NALF1: variants seen among roughly 807,000 people sequenced by gnomAD.
NALF1 encodes the protein family with sequence similarity 155 member A.
A neutral mutation model predicts 48.4 loss-of-function variants in NALF1; 3 were observed. That is an observed-to-expected ratio of 0.06 (90% CI 0.03 to 0.16). NALF1 has a LOEUF of 0.16. NALF1 is among the 10% of genes least tolerant of loss of function. The pLI, the probability that NALF1 is intolerant of heterozygous loss-of-function variation, is 1.00. For synonymous variants in NALF1, 262 were observed against 245.7 expected (o/e 1.07, Z -0.62); for missense variants, 526 against 571.5 (o/e 0.92, Z 0.81).
At chr13:107,639,661 G>A (rs1318786453) in intron 1 of NALF1, among the ~76,000 whole-genome samples, 1 of 151,470 alleles carries the variant, frequency 6.6e-6, no homozygotes, top group Non-Finnish European at 1.5e-5. Context: ...CAGGACACAG[G>A]TTTGGGGTGT....
At chr13:107,759,293 C>G (rs554041591) in intron 1 of NALF1, among the ~76,000 whole-genome samples, 2 of 152,198 alleles carry the variant, frequency 1.3e-5, no homozygotes, top group African/African-American at 4.8e-5. Flanking sequence ...ACTGGATCCT[C>G]TGCCTCCCGG....
At chr13:107,231,058 C>CAAAAAAAAAAAAAAAAAAAAAGAA (rs1880212602) in intron 1 of NALF1, among the ~76,000 whole-genome samples, 1 of 83,588 alleles carries the variant, frequency 1.2e-5, no homozygotes, top group African/African-American at 4.3e-5. Flanking sequence ...AAGACCCGGC[C>CAAAAAAAAAAAAAAAAAAAAAGAA]AAAAAAAAAA....
At chr13:107,199,995 A>G (rs1261351273) in intron 2 of NALF1, among the ~76,000 whole-genome samples, 1 of 151,898 alleles carries the variant, frequency 6.6e-6, no homozygotes, top group Non-Finnish European at 1.5e-5. Context: ...TCACTAATGA[A>G]CTCATCCAAT....
intron 1 of NALF1, among the ~76,000 whole-genome samples, chr13:107,660,262 AC>A (rs2138476087): frequency 6.7e-6 from 1 of 148,274 alleles, no homozygotes; most frequent in Admixed American, 6.8e-5. Context: ...AGATGGTGAA[AC>A]CCCGTCTCTA....
intron 1 of NALF1, among the ~76,000 whole-genome samples, chr13:107,812,311 T>G (rs998241894): frequency 6.6e-6 from 1 of 152,246 alleles, no homozygotes; most frequent in South Asian, 2.1e-4. Context: ...ATGAATTAAA[T>G]GTTTTTATTA....
At chr13:107,783,256 G>A (rs1292094299) in intron 1 of NALF1, among the ~76,000 whole-genome samples, 2 of 140,838 alleles carry the variant, frequency 1.4e-5, no homozygotes, top group African/African-American at 2.7e-5. Context: ...TCAGCCCCCC[G>A]CCCGGCCAGT....
At chr13:107,182,937 A>G (rs748646945) in intron 2 of NALF1, among the ~76,000 whole-genome samples, 26 of 152,338 alleles carry the variant, frequency 1.7e-4, no homozygotes, top group Non-Finnish European at 2.2e-4. Context: ...GGAATATTAG[A>G]AACATCCAAG....
At chr13:107,855,058 G>C (rs747146646) in intron 1 of NALF1, among the ~76,000 whole-genome samples, 1 of 152,112 alleles carries the variant, frequency 6.6e-6, no homozygotes, top group Non-Finnish European at 1.5e-5. Context: ...TGCTGGTGAG[G>C]TGTAGCAGGG....
chr13:107,389,874 T>C (rs1011637299), intron 1 of NALF1, among the ~76,000 whole-genome samples: 1 of 152,206 alleles, frequency 6.6e-6, no homozygotes, highest in Non-Finnish European at 1.5e-5. Flanking sequence ...TGACAGTTAC[T>C]GCAAAAAATT....
chr13:107,749,458 A>T (rs968044203), intron 1 of NALF1, among the ~76,000 whole-genome samples: 8 of 152,106 alleles, frequency 5.3e-5, no homozygotes, highest in Admixed American at 5.2e-4. Flanking sequence ...AAAAGTAAAA[A>T]CAAAAAACAA....
intron 1 of NALF1, among the ~76,000 whole-genome samples, chr13:107,311,085 G>A (rs1220554249): frequency 6.6e-6 from 1 of 152,176 alleles, no homozygotes; most frequent in Non-Finnish European, 1.5e-5. Context: ...TATCCTAAGT[G>A]ACGTTATAAC....
rs781550463 is a variant in NALF1, at chr13:107,866,182, C to T, written c.415G>A (p.Gly139Ser). 6.9e-6 allele frequency: 11 copies of T among 1,603,614 alleles called. No homozygotes were observed. The highest frequency in any genetic ancestry group is 7.7e-6 in the Non-Finnish European group (9 of 1,175,634). Residue 139 changes from glycine to serine, a missense_variant, in exon 1 of 3, where the codon GGC becomes AGC. Physicochemically the swap from Gly to Ser is moderately conservative, Grantham distance 56. Coordinates refer to ENST00000375915, the MANE Select transcript of NALF1 (RefSeq NM_001080396.3). The surrounding 1 kb of genome is among the most constrained non-coding windows in gnomAD (Gnocchi z 4.4). ...CGGTTGCCCTTGCCGCCGCCGCCGC[C>T]GCCGTCTCCCGGGGAGGGGGGCAGG... ...PTLPPSPGDG[G>S]GGGGKGNRGK...
Position 107,540,187 on chromosome 13 carries a change from T to C in NALF1, c.915+325495A>G, listed in dbSNP as rs140085236. 2.6e-4 allele frequency among the ~76,000 whole-genome samples: 39 copies of C among 152,210 alleles called. 1 individual carries two copies. The East Asian group carries it at 6.4e-3, about 25-fold the overall frequency. The stretch of plus-strand genomic sequence containing the variant: ...GGAATGCTCTTTATACCTTTGATGG[T>C]TGTGAATGGCATTCTCTTTAAGTAT... On this transcript the variant is annotated intron_variant, in intron 1 of 2. Transcript: ENST00000375915.
At chr13:107,535,518 A>G (rs952591313) in intron 1 of NALF1, among the ~76,000 whole-genome samples, 41 of 152,166 alleles carry the variant, frequency 2.7e-4, no homozygotes, top group Admixed American at 2.7e-3. Context: ...CCAACTTACA[A>G]GGGATGTGAA....
chr13:107,665,827 C>T (rs1880844998), intron 1 of NALF1, among the ~76,000 whole-genome samples: 1 of 151,954 alleles, frequency 6.6e-6, no homozygotes, highest in African/African-American at 2.4e-5. Flanking sequence ...CTTTATTTTT[C>T]AACATGAGCT....
chr13:107,563,724 T>A (rs1333493429), intron 1 of NALF1, among the ~76,000 whole-genome samples: 1 of 152,330 alleles, frequency 6.6e-6, no homozygotes, highest in African/African-American at 2.4e-5. Context: ...AAAGAAAACA[T>A]TACCATTCTG....
chr13:107,345,000 T>G (rs1485714012), intron 1 of NALF1, among the ~76,000 whole-genome samples: 4 of 152,002 alleles, frequency 2.6e-5, no homozygotes, highest in Non-Finnish European at 5.9e-5. Flanking sequence ...GAATACCAAA[T>G]GAACTCTCAG....
At chr13:107,334,986 T>C (rs1163416941) in intron 1 of NALF1, among the ~76,000 whole-genome samples, 1 of 152,128 alleles carries the variant, frequency 6.6e-6, no homozygotes, top group Non-Finnish European at 1.5e-5. Flanking sequence ...TTTGAGATTT[T>C]GAGAGTTGCC....
intron 1 of NALF1, among the ~76,000 whole-genome samples, chr13:107,838,588 A>G (rs187122415): frequency 4.4e-4 from 67 of 152,286 alleles, no homozygotes; most frequent in African/African-American, 1.5e-3. Flanking sequence ...CATCCAGGCT[A>G]TATCAGAGAT....
Sources: gnomAD v4.1 joint callset for allele counts (sites outside exome capture counted in the v4.1 genomes callset) on GRCh38, gnomAD v4.1.1 for gene constraint, Gnocchi (gnomAD v3.1) non-coding constraint, MANE v1.5 for transcripts, NCBI Gene and HGNC (gene_info 2026-07-23, HGNC 2026-07-21) for gene names.